The following ZNF254 variants were observed in gnomAD, a reference collection of about 807,000 sequenced individuals.
ZNF254 encodes CTD-2017D11.1.
A neutral mutation model predicts 12.4 loss-of-function variants in ZNF254; 10 were observed. The observed-to-expected ratio is 0.80, with a 90% confidence interval of 0.50 to 1.36. ZNF254 has a LOEUF of 1.36. Ranked by LOEUF, ZNF254 falls within the 40% of genes most tolerant of loss-of-function variation. The probability of loss-of-function intolerance (pLI) is 0.00; values close to 1 mark genes in which losing one functional copy is unlikely to be tolerated. For missense variants in ZNF254, 996 were observed against 763.9 expected, an observed-to-expected ratio of 1.30 and a Z score of -3.58; for synonymous variants, 305 against 253.4, an observed-to-expected ratio of 1.20 and a Z score of -1.93.
intron 2 of ZNF254, among the ~76,000 whole-genome samples, chr19:24,068,468 T>A (rs555718532): frequency 2.0e-5 from 3 of 152,278 alleles, no homozygotes; most frequent in Non-Finnish European, 4.4e-5. Flanking sequence ...ACCGTTCTAA[T>A]TTTTGTATTT....
chr19:24,100,289 C>A (rs966818601), intron 1 of ZNF254, among the ~76,000 whole-genome samples: 2 of 151,642 alleles, frequency 1.3e-5, no homozygotes, highest in African/African-American at 2.4e-5. Context: ...TCCCTTCTCT[C>A]GCTAAAATGC....
chr19:24,064,385 A>G (rs1477509360), intron 2 of ZNF254, among the ~76,000 whole-genome samples: 3 of 152,110 alleles, frequency 2.0e-5, no homozygotes, highest in Non-Finnish European at 4.4e-5. Flanking sequence ...TGCTGGACCA[A>G]CATGCTAGAT....
At chr19:24,126,007 T>G (rs1375973973) in intron 3 of ZNF254, among the ~76,000 whole-genome samples, 2 of 152,202 alleles carry the variant, frequency 1.3e-5, no homozygotes, top group South Asian at 4.1e-4. Flanking sequence ...TTTTCTTCTT[T>G]GTGTTTTTTT....
At chr19:24,076,956 C>T (rs1971681084) in intron 2 of ZNF254, among the ~76,000 whole-genome samples, 1 of 152,146 alleles carries the variant, frequency 6.6e-6, no homozygotes, top group Admixed American at 6.5e-5. Context: ...TACATACCTA[C>T]CTCACAATTT....
chr19:24,109,370 G>T (rs1211518881), intron 3 of ZNF254, among the ~76,000 whole-genome samples: 1 of 152,030 alleles, frequency 6.6e-6, no homozygotes, highest in African/African-American at 2.4e-5. Flanking sequence ...CAAATTGTTT[G>T]TTAATGTACA....
At chr19:24,047,013 G>A (rs149528078) in intron 2 of ZNF254, among the ~76,000 whole-genome samples, 180 of 151,916 alleles carry the variant, frequency 1.2e-3, no homozygotes, top group Non-Finnish European at 2.0e-3. Context: ...ACAGTTGTGC[G>A]CCACGATGCC....
In ZNF254 at chr19:24,087,193, GTC is replaced by G. The variant is rs1972072945; in HGVS notation, c.-110_-109del. 1.4e-6 allele frequency: 2 copies of G among 1,406,194 alleles called. No individual in the cohort carries two copies. The highest frequency in any genetic ancestry group is 2.0e-6 in the Non-Finnish European group (2 of 1,011,798). The allele number at this position is 1,406,194 out of a possible 1,614,324, so 87.1% of individuals were successfully genotyped here. On this transcript the variant is annotated 5_prime_UTR_variant, in exon 1 of 4. Coordinates refer to ENST00000357002, the MANE Select transcript of ZNF254 (RefSeq NM_203282.4). Reference sequence around the variant, plus strand: ...GCTTCCGGGATATGGCGGGGCCTTTGTCTCTCGCTGTCGCCGGAGTCCCAGGT... The same window carrying G: ...GCTTCCGGGATATGGCGGGGCCTTTGTCTCGCTGTCGCCGGAGTCCCAGGT...
intron 3 of ZNF254, among the ~76,000 whole-genome samples, chr19:24,112,658 T>C (rs1282509207): frequency 1.3e-5 from 2 of 151,980 alleles, no homozygotes; most frequent in Non-Finnish European, 2.9e-5. Flanking sequence ...CTTGAAGAGG[T>C]CCTCCACATC....
chr19:24,048,689 T>G (rs945815487), intron 2 of ZNF254, among the ~76,000 whole-genome samples: 1 of 148,798 alleles, frequency 6.7e-6, no homozygotes, highest in Non-Finnish European at 1.5e-5. Flanking sequence ...TGTTGGTTTT[T>G]GTTTTTTGGG....
Position 24,127,538 on chromosome 19 carries a change from C to T in ZNF254, c.1538C>T (p.Thr513Ile), listed in dbSNP as rs768314143. 7.4e-6 allele frequency: 12 copies of T among 1,613,498 alleles called. No homozygotes were observed. The South Asian group carries it at 1.2e-4, about 16-fold the overall frequency. Reference sequence around the variant, plus strand: ...CTTACTACACATAAGATAATTCATACTGGAGAGAAACCCTACAAATGTGAA... The same window carrying T: ...CTTACTACACATAAGATAATTCATATTGGAGAGAAACCCTACAAATGTGAA... Reference protein sequence around the residue: ...STLTTHKIIHTGEKPYKCEEC... With the variant: ...STLTTHKIIHIGEKPYKCEEC... The change falls in exon 4 of 4, where the codon ACT becomes ATT. Residue 513 changes from threonine (T) to isoleucine (I), a missense_variant. Transcript: ENST00000357002.
chr19:24,102,219 A>G lies in ZNF254; in HGVS notation c.31-3721A>G, dbSNP rs956587121. Reference sequence around the variant, plus strand: ...GTCTATACCTGAACATATATTAATAAACAAAATTTGTTTTTTTTTTTTTTT... The same window carrying G: ...GTCTATACCTGAACATATATTAATAGACAAAATTTGTTTTTTTTTTTTTTT... On this transcript the variant is annotated intron_variant, in intron 1 of 3. Transcript: ENST00000357002. Among the ~76,000 whole-genome samples the G allele has an allele frequency of 2.8e-5, 4 of 141,754 alleles. No individual in the cohort carries two copies. The South Asian group carries it at 9.2e-4, about 33-fold the overall frequency. The allele number at this position is 141,754 out of a possible 152,430, so 93.0% of individuals were successfully genotyped here.
chr19:24,114,160 A>G (rs1446990148), intron 3 of ZNF254, among the ~76,000 whole-genome samples: 1 of 152,168 alleles, frequency 6.6e-6, no homozygotes, highest in African/African-American at 2.4e-5. Flanking sequence ...TTTTCTTCAG[A>G]GAATTGGAAA....
At chr19:24,099,955 C>T (rs1178285880) in intron 1 of ZNF254, among the ~76,000 whole-genome samples, 5 of 152,078 alleles carry the variant, frequency 3.3e-5, no homozygotes, top group African/African-American at 7.2e-5. Context: ...AGGTGCCAAC[C>T]AAGCTTTATT....
At chr19:24,087,391 G>T in intron 1 of ZNF254, 54 bp downstream of exon 1, 1 of 1,611,388 alleles carries the variant, frequency 6.2e-7, no homozygotes, top group South Asian at 1.1e-5. Flanking sequence ...GTTGGAACTG[G>T]TGGGAAGCGG....
intron 1 of ZNF254, among the ~76,000 whole-genome samples, chr19:24,102,228 T>G (rs1013799065): frequency 8.0e-6 from 1 of 124,966 alleles, no homozygotes; most frequent in East Asian, 2.0e-4. Context: ...AAACAAAATT[T>G]GTTTTTTTTT....
intron 2 of ZNF254, 108 bp from the exon 3 acceptor site, chr19:24,106,440 G>C: frequency 1.2e-6 from 1 of 849,220 alleles, no homozygotes; most frequent in South Asian, 1.8e-5. Context: ...TAGTGTATTA[G>C]AATAACTTTG....
chr19:24,107,085 A>C (rs1022489212), intron 3 of ZNF254: 29 of 456,354 alleles, frequency 6.4e-5, no homozygotes, highest in African/African-American at 5.4e-4. Context: ...TGCACATTTC[A>C]TCCTGTTTTC....
rs746863493 is a variant in ZNF254 at position 24,127,064 on chromosome 19, G to C, written c.1064G>C (p.Cys355Ser). The C allele has an allele frequency of 6.2e-7, 1 of 1,613,460 alleles. No individual in the cohort carries two copies. Among genetic ancestry groups the C allele is most frequent in the East Asian group, 2.2e-5 (1 of 44,776 alleles). The part of the protein sequence containing the change: ...TGEKPYKCEE[C>S]GKAFSQSSTL... The stretch of plus-strand genomic sequence containing the variant: ...GAGAAACCCTACAAATGTGAAGAAT[G>C]TGGCAAAGCTTTTAGCCAGTCCTCA... The change falls in exon 4 of 4, where the codon TGT becomes TCT. Residue 355 changes from cysteine (C) to serine (S), a missense_variant. By Grantham distance (112) the Cys-to-Ser change is moderately radical. Coordinates refer to ENST00000357002, the MANE Select transcript of ZNF254 (RefSeq NM_203282.4).
intron 1 of ZNF254, among the ~76,000 whole-genome samples, chr19:24,037,487 G>A (rs1970008453): frequency 6.6e-6 from 1 of 152,162 alleles, no homozygotes; most frequent in African/African-American, 2.4e-5. Flanking sequence ...AGGCTGGAGT[G>A]CAGTGGCACA....
Sources: allele counts gnomAD v4.1 joint callset (sites outside exome capture counted in the v4.1 genomes callset), GRCh38; gene constraint gnomAD v4.1.1; transcripts MANE v1.5; gene names NCBI Gene and HGNC (gene_info 2026-07-23, HGNC 2026-07-21).